Variants in DNAH3 observed in about 807,000 individuals in gnomAD.
DNAH3 encodes the protein dynein axonemal heavy chain 3, also known as axonemal beta dynein heavy chain 3.
Under a neutral mutation model 432.5 loss-of-function variants are expected in DNAH3, and 332 were observed. The observed-to-expected ratio is 0.77, with a 90% CI of 0.70 to 0.84. The LOEUF (loss-of-function observed/expected upper bound fraction) is 0.84, where lower values mean the gene tolerates loss of function less well. Ranked by LOEUF, DNAH3 falls within the 40% of genes least tolerant of loss-of-function variation. DNAH3 has a pLI of 0.00. For synonymous variants in DNAH3, 1,956 were observed against 1,900.2 expected (o/e 1.03, Z -0.76); for missense variants, 4,861 against 5,114.0 (o/e 0.95, Z 1.51).
intron 48 of DNAH3, among the ~76,000 whole-genome samples, chr16:20,983,960 G>C (rs983449809): frequency 6.6e-6 from 1 of 150,688 alleles, no homozygotes; most frequent in South Asian, 2.1e-4. Flanking sequence ...CCAGGAAGTT[G>C]AGCCTGCAGT....
rs142851181 is a variant in DNAH3 at position 21,139,545 on chromosome 16, T to C, written c.696+991A>G. ...AGACTGGAATGTAGTGGCACAATCA[T>C]AGCTCACTGCAGCCTCAGCTTCCCA... On this transcript the variant is annotated intron_variant, in intron 5 of 61. Transcript: ENST00000261383. 5.2e-3 allele frequency among the ~76,000 whole-genome samples: 790 copies of C among 151,768 alleles called. 8 individuals carry two copies. Among genetic ancestry groups the C allele is most frequent in the South Asian group, 0.046 (222 of 4,790 alleles).
At chr16:21,044,357 G>T (rs1288113878) in intron 31 of DNAH3, among the ~76,000 whole-genome samples, 1 of 151,432 alleles carries the variant, frequency 6.6e-6, no homozygotes, top group African/African-American at 2.4e-5. Context: ...GTTGAGCAGT[G>T]GTTTGTAGTT....
chr16:21,154,457 CT>C (rs2092885954), intron 1 of DNAH3, among the ~76,000 whole-genome samples: 1 of 152,054 alleles, frequency 6.6e-6, no homozygotes, highest in African/African-American at 2.4e-5. Context: ...ACCCTATGGC[CT>C]GTGTGTGAGT....
chr16:20,935,697 G>A (rs887304095), intron 60 of DNAH3, among the ~76,000 whole-genome samples: 2 of 152,106 alleles, frequency 1.3e-5, no homozygotes, highest in Non-Finnish European at 2.9e-5. Context: ...ACAAAAATTA[G>A]CCAGGCGTGG....
intron 52 of DNAH3, among the ~76,000 whole-genome samples, chr16:20,965,739 G>C (rs1333322032): frequency 6.6e-6 from 1 of 152,108 alleles, no homozygotes; most frequent in Non-Finnish European, 1.5e-5. Flanking sequence ...TTGAGACAGA[G>C]TCTTGCACTG....
intron 51 of DNAH3, among the ~76,000 whole-genome samples, chr16:20,971,753 T>C (rs1196214198): frequency 6.6e-6 from 1 of 152,232 alleles, no homozygotes; most frequent in Non-Finnish European, 1.5e-5. Context: ...AGCAGAATCT[T>C]GGCTGTGCTG....
chr16:21,071,701 A>G (rs1230713370), intron 21 of DNAH3, among the ~76,000 whole-genome samples: 1 of 152,108 alleles, frequency 6.6e-6, no homozygotes, highest in Non-Finnish European at 1.5e-5. Context: ...CAGCCTAGGC[A>G]ACATAGCAAG....
intron 16 of DNAH3, among the ~76,000 whole-genome samples, chr16:21,099,105 T>C (rs1461489692): frequency 6.6e-6 from 1 of 152,190 alleles, no homozygotes; most frequent in African/African-American, 2.4e-5. Context: ...CCATTAGACA[T>C]TTATTATTGA....
intron 37 of DNAH3, among the ~76,000 whole-genome samples, chr16:21,027,929 C>T (rs1448060194): frequency 6.6e-6 from 1 of 152,206 alleles, no homozygotes; most frequent in Non-Finnish European, 1.5e-5. Flanking sequence ...ATTTGAACAC[C>T]CGCATGGACT....
chr16:21,020,594 G>A (rs987319232), intron 40 of DNAH3, among the ~76,000 whole-genome samples: 1 of 147,724 alleles, frequency 6.8e-6, no homozygotes, highest in Admixed American at 6.8e-5. Flanking sequence ...GTAGAGACGG[G>A]GTTTTACTGT....
At chr16:21,072,814 A>AATT (rs10592697) in intron 21 of DNAH3, among the ~76,000 whole-genome samples, 13,202 of 146,336 alleles carry the variant, frequency 0.09, 654 homozygotes, top group East Asian at 0.14. Context: ...ATACTCAGCT[A>AATT]ATTATTATTA....
chr16:21,067,411 A>G (rs2090593624), exon 24 of DNAH3: 3 of 1,613,652 alleles, frequency 1.9e-6, no homozygotes, highest in Non-Finnish European at 2.5e-6. Context: ...GAATCCTGTT[A>G]TCTTTCACCT....
chr16:21,109,574 C>T (rs73546317), intron 14 of DNAH3, among the ~76,000 whole-genome samples: 3,739 of 151,990 alleles, frequency 0.025, 155 homozygotes, highest in African/African-American at 0.085. Context: ...ATATTAATAG[C>T]GGTGATTATT....
Position 21,019,729 on chromosome 16 carries a change from T to A in DNAH3, c.5917A>T (p.Lys1973Ter). Residue 1973 changes from lysine (K) to a stop codon, truncating the protein, a stop_gained, in exon 41 of 62, where the codon AAG becomes TAG. Transcript: ENST00000261383. LOFTEE classifies it high-confidence loss of function. ...TTGCGGAAAAACACATCAAATTTCT[T>A]TCTGCTGTCTGCGTTGATGGTGCCA... The A allele has an allele frequency of 2.5e-6, 4 of 1,614,176 alleles. No homozygotes were observed. The highest frequency in any genetic ancestry group is 3.4e-6 in the Non-Finnish European group (4 of 1,180,028).
chr16:21,020,832 CCAGAATTGTTTTCATCTTG>C (rs1309375118), intron 40 of DNAH3, among the ~76,000 whole-genome samples: 1 of 152,118 alleles, frequency 6.6e-6, no homozygotes, highest in East Asian at 1.9e-4. Flanking sequence ...CCATCTATAT[CCAGAATTGTTTTCATCTTG>C]AAGAACTGAA....
rs1177148330 is a variant in DNAH3, at chr16:20,956,671, C to CT, written c.10827-1615dup. Among the ~76,000 whole-genome samples the CT allele has an allele frequency of 7.2e-5, 11 of 152,070 alleles. 1 individual carries two copies. Among genetic ancestry groups the CT allele is most frequent in the East Asian group, 5.8e-4 (3 of 5,190 alleles). On this transcript the variant is annotated intron_variant, in intron 54 of 61. Transcript: ENST00000261383. ...ATCCCAAACCAAACAACATTCTTTT[C>CT]TTTTTTTTAAAGATTAAGGCACAAC... is the stretch of plus-strand genomic sequence containing the variant.
chr16:20,971,368 T>C (rs927889819), intron 51 of DNAH3, among the ~76,000 whole-genome samples: 1 of 152,128 alleles, frequency 6.6e-6, no homozygotes, highest in East Asian at 1.9e-4. Flanking sequence ...TTCCATCTTG[T>C]GTCATTTCTG....
rs137878006 is a variant in DNAH3 at position 20,934,108 on chromosome 16, T to C, written c.11998-601A>G. ...GTAATTGCAGAAAATGGACAAAGCATAGGAGAATAGGGAGGGGTGGGGATT... is the reference window on the plus strand; with the variant it reads ...GTAATTGCAGAAAATGGACAAAGCACAGGAGAATAGGGAGGGGTGGGGATT... On this transcript the variant is annotated intron_variant, in intron 61 of 61. Transcript: ENST00000261383. Among the ~76,000 whole-genome samples, 15 of 151,906 alleles carry C rather than the reference T, an allele frequency of 9.9e-5. No individual in the cohort carries two copies. The East Asian group carries it at 2.7e-3, about 27-fold the overall frequency.
intron 1 of DNAH3, among the ~76,000 whole-genome samples, chr16:21,152,931 C>T (rs982228881): frequency 6.6e-6 from 1 of 152,226 alleles, no homozygotes; most frequent in African/African-American, 2.4e-5. Flanking sequence ...AGCGCCACCC[C>T]CTGCTCCACG....
Sources: allele counts gnomAD v4.1 joint callset (sites outside exome capture counted in the v4.1 genomes callset), GRCh38; gene constraint gnomAD v4.1.1; transcripts MANE v1.5; gene names NCBI Gene and HGNC (gene_info 2026-07-23, HGNC 2026-07-21).